Variants in CTNNA3 observed in about 807,000 individuals in gnomAD.
CTNNA3 encodes catenin alpha-3.
CTNNA3 carries 76 observed loss-of-function variants against 95.7 expected under a neutral mutation model. The ratio of observed to expected loss-of-function variants is 0.79; its 90% CI spans 0.66 to 0.96. The LOEUF (loss-of-function observed/expected upper bound fraction) is 0.96. Among genes scored for constraint, CTNNA3 ranks in the 40% least tolerant of loss-of-function variants. The pLI is 0.00. For missense variants in CTNNA3, 1,191 were observed against 1,089.8 expected, an observed-to-expected ratio of 1.09 and a Z score of -1.31; for synonymous variants, 431 against 374.4, an observed-to-expected ratio of 1.15 and a Z score of -1.74.
Position 66,123,277 on chromosome 10 carries a change from G to A in CTNNA3, c.1885-20028C>T, listed in dbSNP as rs149296238. On this transcript the variant is annotated intron_variant, in intron 13 of 17. Transcript: ENST00000433211. Reference sequence around the variant, plus strand: ...AAGGGGCTACAGGCACCATGCAAGCGTGAAATCCAGCAGGGAAGTCAAACC... The same window carrying A: ...AAGGGGCTACAGGCACCATGCAAGCATGAAATCCAGCAGGGAAGTCAAACC... Among the ~76,000 whole-genome samples the A allele has an allele frequency of 5.8e-3, 879 of 152,242 alleles. 10 individuals are homozygous for A. Among genetic ancestry groups the A allele is most frequent in the African/African-American group, 0.018 (755 of 41,556 alleles).
chr10:67,027,930 A>C (rs1413405215), intron 7 of CTNNA3, among the ~76,000 whole-genome samples: 1 of 152,146 alleles, frequency 6.6e-6, no homozygotes, highest in African/African-American at 2.4e-5. Flanking sequence ...TTTGTATAGT[A>C]CTTTTTTGTT....
intron 7 of CTNNA3, among the ~76,000 whole-genome samples, chr10:67,109,380 C>T (rs1199981064): frequency 6.6e-6 from 1 of 152,196 alleles, no homozygotes; most frequent in Non-Finnish European, 1.5e-5. Context: ...CCTTAGCAAA[C>T]ACTTCTCTTT....
At chr10:66,171,679 C>T (rs938030527) in intron 13 of CTNNA3, among the ~76,000 whole-genome samples, 4 of 152,008 alleles carry the variant, frequency 2.6e-5, no homozygotes, top group African/African-American at 7.2e-5. Context: ...TAGGCTCATC[C>T]AGGTTTGGAC....
intron 9 of CTNNA3, among the ~76,000 whole-genome samples, chr10:66,694,656 T>G (rs995696247): frequency 2.6e-5 from 4 of 152,168 alleles, no homozygotes; most frequent in Non-Finnish European, 5.9e-5. Flanking sequence ...ATTCATAGAT[T>G]GCAGGATATA....
At chr10:66,016,859 T>A (rs1165771878) in intron 15 of CTNNA3, among the ~76,000 whole-genome samples, 1 of 152,146 alleles carries the variant, frequency 6.6e-6, no homozygotes, top group Non-Finnish European at 1.5e-5. Flanking sequence ...AAATAGAAAT[T>A]ACAATTGAAA....
intron 7 of CTNNA3, among the ~76,000 whole-genome samples, chr10:66,945,553 T>C (rs1476427842): frequency 6.6e-6 from 1 of 152,174 alleles, no homozygotes; most frequent in African/African-American, 2.4e-5. Context: ...AATAAGTCTG[T>C]TTTGGTTTCT....
chr10:66,357,744 A>C (rs7092766), intron 12 of CTNNA3, among the ~76,000 whole-genome samples: 80,260 of 151,902 alleles, frequency 0.53, 22,919 homozygotes, highest in Non-Finnish European at 0.64. Context: ...ATTAATAATG[A>C]TGCTATAAGT....
chr10:66,818,781 AG>A (rs1182593770), intron 7 of CTNNA3, among the ~76,000 whole-genome samples: 2 of 152,102 alleles, frequency 1.3e-5, no homozygotes, highest in African/African-American at 4.8e-5. Flanking sequence ...TGGAAAAGCA[AG>A]GGACTCGGAA....
intron 12 of CTNNA3, among the ~76,000 whole-genome samples, chr10:66,339,105 T>A (rs1377825707): frequency 6.6e-6 from 1 of 151,828 alleles, no homozygotes; most frequent in East Asian, 1.9e-4. Flanking sequence ...ATCTATGTAT[T>A]TTTTGTTGAG....
intron 11 of CTNNA3, among the ~76,000 whole-genome samples, chr10:66,400,837 T>G (rs536690485): frequency 6.6e-6 from 1 of 152,274 alleles, no homozygotes; most frequent in East Asian, 1.9e-4. Flanking sequence ...AGGAACTCTT[T>G]GACTTCCCTA....
intron 15 of CTNNA3, among the ~76,000 whole-genome samples, chr10:66,039,766 C>G (rs1047371779): frequency 6.6e-6 from 1 of 152,110 alleles, no homozygotes; most frequent in Non-Finnish European, 1.5e-5. Flanking sequence ...AAACCCCAGA[C>G]TATAAAAACC....
Position 66,374,747 on chromosome 10 carries a change from T to C in CTNNA3, c.1732+4405A>G, listed in dbSNP as rs191886032. ...CTCCTGCCTCAGCCTCCCAAGTAGC[T>C]GGGATTACAGGCACATGCTACAACA... On this transcript the variant is annotated intron_variant, in intron 12 of 17. Transcript: ENST00000433211. 1.1e-3 allele frequency among the ~76,000 whole-genome samples: 161 copies of C among 151,558 alleles called. 2 individuals are homozygous for C. Among genetic ancestry groups the C allele is most frequent in the Middle Eastern group, 0.01 (3 of 292 alleles).
intron 7 of CTNNA3, among the ~76,000 whole-genome samples, chr10:67,150,855 G>A (rs1190032593): frequency 8.5e-5 from 13 of 152,110 alleles, no homozygotes; most frequent in Non-Finnish European, 1.9e-4. Context: ...TTTGGTATGA[G>A]GGGAAGAATT....
chr10:65,989,214 C>T (rs2133327784), intron 15 of CTNNA3, among the ~76,000 whole-genome samples: 1 of 152,348 alleles, frequency 6.6e-6, no homozygotes, highest in Non-Finnish European at 1.5e-5. Context: ...GCTGGGATTA[C>T]AGGCGTGAGC....
chr10:66,419,835 A>G (rs1426837727), intron 11 of CTNNA3, among the ~76,000 whole-genome samples: 1 of 152,184 alleles, frequency 6.6e-6, no homozygotes, highest in Non-Finnish European at 1.5e-5. Flanking sequence ...GAACAGTCAC[A>G]GGCAAAAGAA....
rs142858024 is a variant in CTNNA3, at chr10:66,436,059, T to C, written c.1532-56707A>G. Among the ~76,000 whole-genome samples, 161 of 152,330 alleles carry C rather than the reference T, an allele frequency of 1.1e-3. 1 individual carries two copies. Among genetic ancestry groups the C allele is most frequent in the African/African-American group, 3.4e-3 (143 of 41,586 alleles). On this transcript the variant is annotated intron_variant, in intron 11 of 17. Transcript: ENST00000433211. ...GAGATACTGTTTGTTATTATTTCCA[T>C]TTATTTGCATTTGCTGAGGAGTGTT...
At chr10:66,974,859 G>C (rs1849940995) in intron 7 of CTNNA3, among the ~76,000 whole-genome samples, 1 of 149,864 alleles carries the variant, frequency 6.7e-6, no homozygotes, top group South Asian at 2.1e-4. Flanking sequence ...TAGTTGAGTT[G>C]TTTTTTCTTC....
intron 17 of CTNNA3, among the ~76,000 whole-genome samples, chr10:65,965,092 T>C (rs961409078): frequency 6.6e-6 from 1 of 152,128 alleles, no homozygotes; most frequent in Non-Finnish European, 1.5e-5. Flanking sequence ...ACACTATTTT[T>C]CCCCCTCTAA....
chr10:66,234,868 T>C (rs1221022485), intron 13 of CTNNA3, among the ~76,000 whole-genome samples: 1 of 152,208 alleles, frequency 6.6e-6, no homozygotes, highest in Non-Finnish European at 1.5e-5. Context: ...GTGACTTTAA[T>C]CTCCTTCACA....
Sources: allele counts gnomAD v4.1 joint callset (sites outside exome capture counted in the v4.1 genomes callset), GRCh38; gene constraint gnomAD v4.1.1; transcripts MANE v1.5; gene names NCBI Gene and HGNC (gene_info 2026-07-23, HGNC 2026-07-21).